The following ATG2A variants were observed in gnomAD, a reference collection of about 807,000 sequenced individuals.
ATG2A encodes the protein autophagy-related protein 2 homolog A.
Under a neutral mutation model 214.2 loss-of-function variants are expected in ATG2A, and 103 were observed. The observed-to-expected ratio is 0.48, with a 90% confidence interval of 0.41 to 0.57. The LOEUF (loss-of-function observed/expected upper bound fraction) is 0.57. Among genes scored for constraint, ATG2A ranks in the 20% least tolerant of loss-of-function variants. The pLI is 0.00. For synonymous variants in ATG2A, 1,160 were observed against 1,142.1 expected, an observed-to-expected ratio of 1.02 and a Z score of -0.32; for missense variants, 2,312 against 2,613.2, an observed-to-expected ratio of 0.88 and a Z score of 2.51.
chr11:64,897,463 G>T lies in ATG2A; in HGVS notation c.5099C>A (p.Ala1700Asp). 1 of 1,576,582 alleles carries T rather than the reference G, an allele frequency of 6.3e-7. No individual in the cohort carries two copies. The highest frequency in any genetic ancestry group is 1.9e-5 in the Admixed American group (1 of 53,760). The change falls in exon 37 of 41, where the codon GCC (alanine) becomes GAC (aspartate). Residue 1700 changes from alanine (A) to aspartate (D), a missense_variant. Physicochemically the swap from Ala to Asp is moderately radical, Grantham distance 126 (BLOSUM62 -2). Transcript: ENST00000377264. ...CTTCAGCTCGGAGCAGTTGAGTTGG[G>T]CCAGGCCGATGAGGAGGCCAGCAAA... ...GTFAGLLIGLAQLNCSELKLK... is the reference protein window; with the variant it reads ...GTFAGLLIGLDQLNCSELKLK...
rs369828530 is a variant in ATG2A at position 64,900,480 on chromosome 11, G to A, written c.4464+14C>T. 1.7e-5 allele frequency: 27 copies of A among 1,612,780 alleles called. No individual in the cohort carries two copies. The highest frequency in any genetic ancestry group is 3.3e-5 in the Admixed American group (2 of 59,992). Reference sequence around the variant, plus strand: ...TGACACACACGTGTAGTAGGCACTCGCCACCCCACTCACCTTGCTCAGCTG... The same window carrying A: ...TGACACACACGTGTAGTAGGCACTCACCACCCCACTCACCTTGCTCAGCTG... On this transcript the variant is annotated intron_variant, in intron 31 of 40. Transcript: ENST00000377264.
At chr11:64,911,297 C>T in intron 9 of ATG2A, 22 bp from the exon 10 acceptor site, 1 of 1,608,804 alleles carries the variant, frequency 6.2e-7, no homozygotes, top group Non-Finnish European at 8.5e-7. Flanking sequence ...GAGGCTTCAG[C>T]AGGGGCTCCC....
chr11:64,912,083 A>C lies in ATG2A; in HGVS notation c.1087+2T>G. On this transcript the variant is annotated splice_donor_variant, in intron 8 of 40. Transcript: ENST00000377264. LOFTEE classifies it high-confidence loss of function. ...CCAACCACGGTCTGACCCCACACCC[A>C]CCAGTGTTATCCAGGTTGAGAAGGG... 6.2e-7 allele frequency: 1 copy of C among 1,612,874 alleles called. No individual in the cohort carries two copies. Among genetic ancestry groups the C allele is most frequent in the Non-Finnish European group, 8.5e-7 (1 of 1,179,180 alleles).
chr11:64,916,775 G>A (rs1192388635), intron 1 of ATG2A, among the ~76,000 whole-genome samples, 190 bp downstream of exon 1: 2 of 152,042 alleles, frequency 1.3e-5, no homozygotes, highest in Non-Finnish European at 2.9e-5. Flanking sequence ...ACCCCTTCCC[G>A]CTCAGTTTCT....
At position 64,910,647 on chromosome 11, in the gene ATG2A, C is replaced by T. The variant is rs763161974; in HGVS notation, c.1676G>A (p.Arg559His). The change falls in exon 12 of 41, where the codon CGC becomes CAC. Residue 559 changes from arginine to histidine, a missense_variant. Arg to His is a conservative substitution (Grantham distance 29, BLOSUM62 0). Transcript: ENST00000377264. The stretch of plus-strand genomic sequence containing the variant: ...CACACGGCGCAGGATCTGTGTGTGG[C>T]GCAGATGGGCGCAGGGCCGAGCTGA... Reference protein sequence around the residue: ...QASARPCAHLRHTQILRRVPK... With the variant: ...QASARPCAHLHHTQILRRVPK... 28 of 1,607,654 alleles carry T rather than the reference C, an allele frequency of 1.7e-5. No homozygotes were observed. The African/African-American group carries it at 2.0e-4, about 12-fold the overall frequency.
chr11:64,914,311 C>T (rs1169254756), intron 2 of ATG2A, 27 bp downstream of exon 2: 1 of 1,571,656 alleles, frequency 6.4e-7, no homozygotes, highest in Admixed American at 1.8e-5. Context: ...CCCCACTTGC[C>T]TGCCCCCAGC....
At chr11:64,909,996 G>A (rs773084350) in intron 13 of ATG2A, 44 bp downstream of exon 13, 1 of 1,563,678 alleles carries the variant, frequency 6.4e-7, no homozygotes, top group Non-Finnish European at 8.7e-7. Context: ...AAGGACCCAG[G>A]CCCTGCACCC....
Position 64,906,536 on chromosome 11 carries a change from G to A in ATG2A, c.2984-3C>T. ...CAGCGGGTAGTCATCCACGGCCGCT[G>A]GGGAGGGGTCTCATGAGCCCCCTGC... is the stretch of plus-strand genomic sequence containing the variant. On this transcript the variant is annotated splice_region_variant and splice_polypyrimidine_tract_variant and intron_variant, in intron 20 of 40. Transcript: ENST00000377264. 1 of 1,612,520 alleles carries A rather than the reference G, an allele frequency of 6.2e-7. No homozygotes were observed.
intron 14 of ATG2A, 139 bp downstream of exon 14, chr11:64,909,542 G>A: frequency 3.4e-6 from 5 of 1,468,762 alleles, no homozygotes; most frequent in Admixed American, 3.8e-5. Context: ...GGGACAGGCA[G>A]TGCTGGGACC....
chr11:64,912,006 AG>A (rs750206609), intron 8 of ATG2A, 24 bp from the exon 9 acceptor site: 226 of 1,613,484 alleles, frequency 1.4e-4, no homozygotes, highest in Non-Finnish European at 3.0e-5. Context: ...GAGGAGTGTC[AG>A]GGACAGCCGA....
At chr11:64,905,132 G>T (rs36039272) in intron 24 of ATG2A, among the ~76,000 whole-genome samples, 30,193 of 152,156 alleles carry the variant, frequency 0.2, 3,363 homozygotes, top group East Asian at 0.47. Context: ...GGGATTACAG[G>T]TGTGAGCCAC....
rs1944174816 is a variant in ATG2A at position 64,896,969 on chromosome 11, T to A, written c.5151-100A>T. 2.7e-6 allele frequency: 4 copies of A among 1,495,180 alleles called. No homozygotes were observed. The Admixed American group carries it at 8.1e-5, about 30-fold the overall frequency. 92.6% of individuals were successfully genotyped at this position (1,495,180 alleles called of 1,614,324 possible). A position where few individuals can be genotyped will look rare whatever the true frequency, so the allele number is the denominator to read the frequency against. On this transcript the variant is annotated intron_variant, in intron 37 of 40. Transcript: ENST00000377264. ...CTCAGTACCCCTGTGGCAAGTACTG[T>A]GGGCACTCTACCCTCCCTGTGGTCC... is the stretch of plus-strand genomic sequence containing the variant.
rs1944122331 is a variant in ATG2A, at chr11:64,895,544, G to T, written c.5428-102C>A. On this transcript the variant is annotated intron_variant, in intron 39 of 40. Transcript: ENST00000377264. The surrounding 1 kb of genome is among the most constrained non-coding windows in gnomAD (Gnocchi z 5.0). Reference sequence around the variant, plus strand: ...GACCCCACCAGCCCTCAGCCTCCCTGCCTGTCACTGTGCTGGCCTAGGGGG... The same window carrying T: ...GACCCCACCAGCCCTCAGCCTCCCTTCCTGTCACTGTGCTGGCCTAGGGGG... 1 of 1,314,552 alleles carries T rather than the reference G, an allele frequency of 7.6e-7. No individual in the cohort carries two copies. Among genetic ancestry groups the T allele is most frequent in the Non-Finnish European group, 1.0e-6 (1 of 986,910 alleles). The allele number at this position is 1,314,552 out of a possible 1,614,324, so 81.4% of individuals were successfully genotyped here.
At position 64,898,141 on chromosome 11, in the gene ATG2A, G is replaced by A; in HGVS notation, c.4803C>T (p.Phe1601=). 2 of 1,614,134 alleles carry A rather than the reference G, an allele frequency of 1.2e-6. No homozygotes were observed. Among genetic ancestry groups the A allele is most frequent in the Middle Eastern group, 3.3e-4 (2 of 6,062 alleles). The part of the protein sequence containing the change: ...QDALFFLKDF[F]TSLVAGINPV... The stretch of plus-strand genomic sequence containing the variant: ...GGTTGATGCCGGCCACCAGACTAGT[G>A]AAGAAGTCCTTGAGGAAGAAGAGGG... Residue 1601 remains phenylalanine (F), a synonymous_variant, in exon 34 of 41, where the codon TTC becomes TTT. Transcript: ENST00000377264. The surrounding 1 kb of genome is among the most constrained non-coding windows in gnomAD (Gnocchi z 4.5).
intron 9 of ATG2A, 83 bp downstream of exon 9, chr11:64,911,759 T>C (rs535002891): frequency 2.7e-5 from 42 of 1,558,590 alleles, no homozygotes; most frequent in East Asian, 6.7e-5. Context: ...GGGGATTTCC[T>C]GTGTGCCTCT....
chr11:64,902,392 C>G lies in ATG2A; in HGVS notation c.3778-6G>C, dbSNP rs756550416. 1 of 1,558,774 alleles carries G rather than the reference C, an allele frequency of 6.4e-7. No homozygotes were observed. The highest frequency in any genetic ancestry group is 8.7e-7 in the Non-Finnish European group (1 of 1,152,124). On this transcript the variant is annotated splice_polypyrimidine_tract_variant and splice_region_variant and intron_variant, in intron 27 of 40. Transcript: ENST00000377264. ...GAGGCAGGACTCTCCGAGAGCTGGG[C>G]CAGGCAGGGGAGGAGCAATGAGTGA...
At position 64,913,441 on chromosome 11, in the gene ATG2A, G is replaced by A; in HGVS notation, c.591-40C>T. 2 of 1,520,082 alleles carry A rather than the reference G, an allele frequency of 1.3e-6. No homozygotes were observed. The highest frequency in any genetic ancestry group is 1.3e-5 in the South Asian group (1 of 78,838). The allele number at this position is 1,520,082 out of a possible 1,614,324, so 94.2% of individuals were successfully genotyped here. ...GTCAGCCCGTGCCCTGGCCACCCCA[G>A]GCCTGGAGCCCCTCTCTCCACACAG... On this transcript the variant is annotated intron_variant, in intron 4 of 40. Coordinates refer to ENST00000377264, the MANE Select transcript of ATG2A (RefSeq NM_015104.3). The surrounding 1 kb of genome is among the most constrained non-coding windows in gnomAD (Gnocchi z 4.3).
rs200937104 is a variant in ATG2A, at chr11:64,898,759, C to T, written c.4548G>A (p.Leu1516=). 1 of 1,613,930 alleles carries T rather than the reference C, an allele frequency of 6.2e-7. No homozygotes were observed. The highest frequency in any genetic ancestry group is 8.5e-7 in the Non-Finnish European group (1 of 1,179,978). The change falls in exon 32 of 41, where the codon CTG becomes CTA. Residue 1516 remains leucine (L), a synonymous_variant. Transcript: ENST00000377264. The surrounding 1 kb of genome is among the most constrained non-coding windows in gnomAD (Gnocchi z 4.5). ...CCTGCACGATGAACACCTGACGGGA[C>T]AGCGGTCGCTCCTCCAGCTCCTGGC... ...APSQELEERP[L]SRQVFIVQEL...
chr11:64,897,347 A>G, intron 37 of ATG2A, 65 bp downstream of exon 37: 1 of 1,525,586 alleles, frequency 6.6e-7, no homozygotes. Flanking sequence ...CCACACAACC[A>G]GTCAGGACCA....
Sources: gnomAD v4.1 joint callset for allele counts (sites outside exome capture counted in the v4.1 genomes callset) on GRCh38, gnomAD v4.1.1 for gene constraint, Gnocchi (gnomAD v3.1) non-coding constraint, MANE v1.5 for transcripts, NCBI Gene and HGNC (gene_info 2026-07-23, HGNC 2026-07-21) for gene names.